Variants in ZNF138 observed in about 807,000 individuals in gnomAD.
The protein encoded by ZNF138 is zinc finger protein 138 (clone pHZ-32).
Under a neutral mutation model 33.0 loss-of-function variants are expected in ZNF138, and 33 were observed. That is an observed-to-expected ratio of 1.00 (90% CI 0.76 to 1.34). The LOEUF is 1.34. Ranked by LOEUF, ZNF138 falls within the 40% of genes most tolerant of loss-of-function variation. The probability of loss-of-function intolerance (pLI) is 0.00; values close to 1 mark genes in which losing one functional copy is unlikely to be tolerated. For missense variants in ZNF138, 360 were observed against 370.8 expected (o/e 0.97, Z 0.24); for synonymous variants, 139 against 120.4 (o/e 1.15, Z -1.01).
At chr7:64,810,452 A>AGGGGGG (rs1554365356) in intron 1 of ZNF138, among the ~76,000 whole-genome samples, 7 of 96,550 alleles carry the variant, frequency 7.3e-5, no homozygotes, top group Admixed American at 1.3e-4. Context: ...AGGGAGAGGG[A>AGGGGGG]GAGGGGGAGG....
At chr7:64,831,169 G>A in intron 3 of ZNF138, 1 of 1,476,446 alleles carries the variant, frequency 6.8e-7, no homozygotes. Flanking sequence ...GGAACAGAAA[G>A]AGCTGTGTTG....
intron 3 of ZNF138, among the ~76,000 whole-genome samples, chr7:64,818,947 A>G (rs1255598732): frequency 6.6e-6 from 1 of 152,184 alleles, no homozygotes; most frequent in African/African-American, 2.4e-5. Flanking sequence ...ATTACAAGCC[A>G]GATTTTATGA....
the ZNF138 span, among the ~76,000 whole-genome samples, chr7:64,850,046 C>A: frequency 6.6e-6 from 1 of 152,192 alleles, no homozygotes; most frequent in Non-Finnish European, 1.5e-5. Context: ...CCAAGTTCCC[C>A]TGGCAGCCCT....
rs1790167397 is a variant in ZNF138 at position 64,832,382 on chromosome 7, A to G, written c.*180A>G. 2 of 1,534,312 alleles carry G rather than the reference A, an allele frequency of 1.3e-6. No homozygotes were observed. On this transcript the variant is annotated 3_prime_UTR_variant, in exon 4 of 4. Transcript: ENST00000307355. The stretch of plus-strand genomic sequence containing the variant: ...TTAACCAGTCCGCAAAGCTCACTGA[A>G]CATAAGTTAATTCATACTGGAGAAA...
the ZNF138 span, among the ~76,000 whole-genome samples, chr7:64,839,043 C>T: frequency 5.9e-5 from 9 of 152,108 alleles, no homozygotes; most frequent in Admixed American, 1.3e-4. Context: ...CTTGTGCCAG[C>T]GAAAACACTT....
intron 1 of ZNF138, among the ~76,000 whole-genome samples, chr7:64,795,289 A>G (rs997278188): frequency 6.6e-6 from 1 of 152,158 alleles, no homozygotes; most frequent in Non-Finnish European, 1.5e-5. Context: ...CTGGGACTGG[A>G]GCGACCTCAG....
intron 1 of ZNF138, among the ~76,000 whole-genome samples, chr7:64,807,834 G>GT (rs1787737404): frequency 6.6e-6 from 1 of 152,172 alleles, no homozygotes; most frequent in Admixed American, 6.5e-5. Flanking sequence ...GGCAGAATCT[G>GT]TAAGTGTAAA....
intron 1 of ZNF138, among the ~76,000 whole-genome samples, chr7:64,803,258 GTTTT>G (rs60101981): frequency 1.1e-4 from 12 of 113,062 alleles, no homozygotes; most frequent in African/African-American, 3.3e-4. Context: ...TTTGGCAAAG[GTTTT>G]TTTTTTTTTT....
At chr7:64,806,823 A>G (rs1787638875) in intron 1 of ZNF138, among the ~76,000 whole-genome samples, 2 of 152,238 alleles carry the variant, frequency 1.3e-5, no homozygotes, top group African/African-American at 4.8e-5. Flanking sequence ...TGTAAATAAG[A>G]ATTTCTGGCA....
At chr7:64,839,743 G>C in the ZNF138 span, among the ~76,000 whole-genome samples, 3 of 152,130 alleles carry the variant, frequency 2.0e-5, no homozygotes, top group Non-Finnish European at 4.4e-5. Flanking sequence ...GGCCTGATCC[G>C]ACCAGGAGGG....
intron 1 of ZNF138, among the ~76,000 whole-genome samples, chr7:64,809,520 GGGGCGGCTGGCCGGGCAGGGGGCT>G (rs1332183767): frequency 8.2e-4 from 3 of 3,640 alleles, no homozygotes; most frequent in Non-Finnish European, 9.1e-3. Context: ...CTCCCAGGAT[GGGGCGGCTGGCCGGGCAGGGGGCT>G]GACCCCCCCC....
intron 1 of ZNF138, among the ~76,000 whole-genome samples, chr7:64,804,175 C>T (rs898313826): frequency 6.6e-6 from 1 of 152,160 alleles, no homozygotes; most frequent in African/African-American, 2.4e-5. Context: ...CACAGGCAGA[C>T]AGCCCGGCGC....
the ZNF138 span, among the ~76,000 whole-genome samples, chr7:64,851,701 CT>C: frequency 6.6e-6 from 1 of 151,792 alleles, no homozygotes; most frequent in East Asian, 2.0e-4. Flanking sequence ...AAAAAGTATC[CT>C]TTTTTTGCTA....
chr7:64,831,779 T>G lies in ZNF138; in HGVS notation c.537T>G (p.Leu179=), dbSNP rs770131859. 1 of 1,613,664 alleles carries G rather than the reference T, an allele frequency of 6.2e-7. No homozygotes were observed. The highest frequency in any genetic ancestry group is 1.3e-5 in the African/African-American group (1 of 74,920). ...AATGTGACAAATCACTTTGCATGCT[T>G]TCACGCCTAACTCAACATAAAAAAA... ...CKECDKSLCM[L]SRLTQHKKIH... Residue 179 remains leucine (L), a synonymous_variant, in exon 4 of 4, where the codon CTT becomes CTG. Transcript: ENST00000307355.
At chr7:64,843,384 GT>G in the ZNF138 span, among the ~76,000 whole-genome samples, 1 of 152,164 alleles carries the variant, frequency 6.6e-6, no homozygotes, top group Non-Finnish European at 1.5e-5. Context: ...TCCTTATTTT[GT>G]TTTTTGTAAT....
the ZNF138 span, among the ~76,000 whole-genome samples, chr7:64,839,099 A>G: frequency 6.6e-6 from 1 of 152,220 alleles, no homozygotes; most frequent in Admixed American, 6.5e-5. Flanking sequence ...ACCTTTGAAC[A>G]AATTTGATTT....
chr7:64,797,207 G>T (rs907073962), intron 1 of ZNF138, among the ~76,000 whole-genome samples: 2 of 152,050 alleles, frequency 1.3e-5, no homozygotes, highest in African/African-American at 2.4e-5. Context: ...GATTTCTGAG[G>T]TTAATGCTAA....
At position 64,831,587 on chromosome 7, in the gene ZNF138, T is replaced by A. The variant is rs147588810; in HGVS notation, c.345T>A (p.Asp115Glu). Residue 115 changes from aspartate to glutamate, a missense_variant, in exon 4 of 4, where the codon GAT becomes GAA. Transcript: ENST00000307355. ...LQLRKGCKSV[D>E]ECKGHQGGFN... ...TAAGAAAAGGCTGTAAAAGTGTGGATGAGTGTAAGGGACACCAAGGAGGTT... is the reference window on the plus strand; with the variant it reads ...TAAGAAAAGGCTGTAAAAGTGTGGAAGAGTGTAAGGGACACCAAGGAGGTT... 1.9e-6 allele frequency: 3 copies of A among 1,613,434 alleles called. No individual in the cohort carries two copies. In the African/African-American group the frequency reaches 4.0e-5, roughly 22 times the overall value.
At chr7:64,818,236 T>G (rs1788836544) in intron 3 of ZNF138, among the ~76,000 whole-genome samples, 1 of 151,936 alleles carries the variant, frequency 6.6e-6, no homozygotes, top group Non-Finnish European at 1.5e-5. Flanking sequence ...TCCCCCCACC[T>G]CGGCCTCCCA....
Sources: gnomAD v4.1 joint callset for allele counts (sites outside exome capture counted in the v4.1 genomes callset) on GRCh38, gnomAD v4.1.1 for gene constraint, MANE v1.5 for transcripts, NCBI Gene and HGNC (gene_info 2026-07-23, HGNC 2026-07-21) for gene names.